Variants in DNAAF2 observed in about 807,000 individuals in gnomAD.
DNAAF2 encodes the protein dynein axonemal assembly factor 2.
A neutral mutation model predicts 48.8 loss-of-function variants in DNAAF2; 58 were observed. That is an observed-to-expected ratio of 1.19 (90% CI 0.96 to 1.48). DNAAF2 has a LOEUF of 1.48. Among genes scored for constraint, DNAAF2 ranks in the 40% most tolerant of loss-of-function variants. The pLI is 0.00. For synonymous variants in DNAAF2, 567 were observed against 481.2 expected (o/e 1.18, Z -2.33); for missense variants, 1,241 against 1,116.1 (o/e 1.11, Z -1.59).
In DNAAF2 at chr14:49,633,587, C is replaced by A. The variant is rs1485202846; in HGVS notation, c.1563G>T (p.Leu521Phe). Residue 521 changes from leucine to phenylalanine, a missense_variant, in exon 1 of 3, where the codon TTG becomes TTT. Coordinates refer to ENST00000298292, the MANE Select transcript of DNAAF2 (RefSeq NM_018139.3). ...CCTGATTACACAGTAACGGAGGACA[C>A]AAAGGCTCCCCGCTCTTGGTCCCGG... Reference protein sequence around the residue: ...GGPGTKSGEPLCPPLLCNQDK... With the variant: ...GGPGTKSGEPFCPPLLCNQDK... 5.6e-6 allele frequency: 9 copies of A among 1,613,828 alleles called. No homozygotes were observed. The Admixed American group carries it at 1.5e-4, about 27-fold the overall frequency.
Position 49,634,902 on chromosome 14 carries a change from TC to T in DNAAF2, c.247del (p.Asp83ThrfsTer8). The T allele has an allele frequency of 6.4e-7, 1 of 1,551,106 alleles. No individual in the cohort carries two copies. Among genetic ancestry groups the T allele is most frequent in the South Asian group, 1.2e-5 (1 of 84,204 alleles). On this transcript the variant is annotated frameshift_variant, in exon 1 of 3. Transcript: ENST00000298292. LOFTEE classifies it high-confidence loss of function. ...ATTCACAAAGCAGCGCCGCGCCCCG[TC>T]CAGGCTGGTGCGCAGCACATGGCCG... ...EPGHVLRTSL[D>X]GARRCFVNVC...
In DNAAF2 at chr14:49,626,224, A is replaced by T. The variant is rs1883002829; in HGVS notation, c.2008-176T>A. ...TCCTCCAGGCTGGGCACAGTGGCTC[A>T]TGCCTGTAATCCCAGCACTTTGGGA... On this transcript the variant is annotated intron_variant, in intron 2 of 2. Coordinates refer to ENST00000298292, the MANE Select transcript of DNAAF2 (RefSeq NM_018139.3). Among the ~76,000 whole-genome samples the T allele has an allele frequency of 2.6e-5, 4 of 152,170 alleles. No homozygotes were observed. In the South Asian group the frequency reaches 8.3e-4, roughly 32 times the overall value.
chr14:49,632,050 G>A (rs752335958), intron 1 of DNAAF2, among the ~76,000 whole-genome samples: 9 of 152,054 alleles, frequency 5.9e-5, no homozygotes, highest in Non-Finnish European at 1.3e-4. Context: ...TCCCATTTTC[G>A]TCGTTTATTT....
Position 49,625,611 on chromosome 14 carries a change from C to T in DNAAF2, c.2445G>A (p.Gln815=). Residue 815 remains glutamine, a synonymous_variant, in exon 3 of 3, where the codon CAG becomes CAA. Transcript: ENST00000298292. The part of the protein sequence containing the change: ...KETNMQDGSV[Q]VIKDHVTNCA... ...AATTGGTCACATGATCTTTAATGAC[C>T]TGCACACTACCATCCTGCATATTGG... 1 of 1,612,872 alleles carries T rather than the reference C, an allele frequency of 6.2e-7. No homozygotes were observed. The highest frequency in any genetic ancestry group is 8.5e-7 in the Non-Finnish European group (1 of 1,179,566).
Position 49,633,297 on chromosome 14 carries a change from T to G in DNAAF2, c.1853A>C (p.Asp618Ala). Residue 618 changes from aspartate to alanine, a missense_variant, in exon 1 of 3, where the codon GAT (aspartate) becomes GCT (alanine). By Grantham distance (126) the Asp-to-Ala change is moderately radical. Transcript: ENST00000298292. ...WREWYYGVNNDSLEERLFVNE... is the reference protein window; with the variant it reads ...WREWYYGVNNASLEERLFVNE... ...GGAAAGAACTGTTACCTCCAAAGAA[T>G]CGTTGTTTACACCATAATACCACTC... 2.5e-6 allele frequency: 4 copies of G among 1,613,126 alleles called. No individual in the cohort carries two copies. The highest frequency in any genetic ancestry group is 3.4e-6 in the Non-Finnish European group (4 of 1,179,190).
rs1477152193 is a variant in DNAAF2 at position 49,625,909 on chromosome 14, G to T, written c.2147C>A (p.Ala716Glu). Reference sequence around the variant, plus strand: ...TAAACCAAAGCTATCTATTTGTAGTGCTTTAACTGCTATAGATGAATCAGA... The same window carrying T: ...TAAACCAAAGCTATCTATTTGTAGTTCTTTAACTGCTATAGATGAATCAGA... ...TDSDSSIAVK[A>E]LQIDSFGLVT... The change falls in exon 3 of 3, where the codon GCA becomes GAA. Residue 716 changes from alanine to glutamate, a missense_variant. Ala to Glu is a moderately radical substitution (Grantham distance 107). Transcript: ENST00000298292. 1 of 1,613,506 alleles carries T rather than the reference G, an allele frequency of 6.2e-7. No individual in the cohort carries two copies. The highest frequency in any genetic ancestry group is 1.7e-5 in the Admixed American group (1 of 59,978).
At chr14:49,630,261 T>TAAA (rs1273735477) in intron 1 of DNAAF2, among the ~76,000 whole-genome samples, 4 of 94,636 alleles carry the variant, frequency 4.2e-5, no homozygotes, top group Non-Finnish European at 1.1e-4. Flanking sequence ...AAATAAATAA[T>TAAA]GAGGTAGATT....
Position 49,628,102 on chromosome 14 carries a change from C to T in DNAAF2, c.1917G>A (p.Leu639=). 6.3e-7 allele frequency: 1 copy of T among 1,592,226 alleles called. No individual in the cohort carries two copies. The highest frequency in any genetic ancestry group is 8.6e-7 in the Non-Finnish European group (1 of 1,167,846). ...ACATAGACTGTTTGAATGGAGAGCT[C>T]AGGACCTCTTCAAGAAACTCATTAA... is the stretch of plus-strand genomic sequence containing the variant. ...ENVNEFLEEV[L]SSPFKQSMSL... The change falls in exon 2 of 3, where the codon CTG becomes CTA. Residue 639 remains leucine (L), a synonymous_variant. Transcript: ENST00000298292.
intron 1 of DNAAF2, among the ~76,000 whole-genome samples, chr14:49,631,397 G>A (rs1023796217): frequency 9.2e-5 from 14 of 152,164 alleles, no homozygotes; most frequent in Admixed American, 2.0e-4. Context: ...AGGCCGAGGC[G>A]GGTGGATCAC....
intron 1 of DNAAF2, 57 bp downstream of exon 1, chr14:49,633,230 A>G (rs190805899): frequency 2.1e-5 from 34 of 1,587,232 alleles, no homozygotes; most frequent in African/African-American, 2.0e-4. Context: ...GGTAATAGCA[A>G]ATTTTTAAAG....
chr14:49,625,936 T>C lies in DNAAF2; in HGVS notation c.2120A>G (p.Asp707Gly). ...TTTAACTGCTATAGATGAATCAGAA[T>C]CAGTTGTAGGGGTGTTACAATGTTC... ...YIEHCNTPTT[D>G]SDSSIAVKAL... Residue 707 changes from aspartate (D) to glycine (G), a missense_variant, in exon 3 of 3, where the codon GAT becomes GGT. Physicochemically the swap from Asp to Gly is moderately conservative, Grantham distance 94 (BLOSUM62 -1). Transcript: ENST00000298292. The C allele has an allele frequency of 6.2e-7, 1 of 1,613,498 alleles. No individual in the cohort carries two copies.
chr14:49,627,864 A>G lies in DNAAF2; in HGVS notation c.2007+148T>C, dbSNP rs1246925185. On this transcript the variant is annotated intron_variant, in intron 2 of 2. Transcript: ENST00000298292. ...AGGGAGACTCCATCTCAAAAAAAAA[A>G]AAAAGAAAAACTTTTCTTCTCTTAA... 5.6e-5 allele frequency: 49 copies of G among 871,118 alleles called. No homozygotes were observed. The East Asian group carries it at 1.1e-3, about 19-fold the overall frequency. 54.0% of individuals were successfully genotyped at this position (871,118 alleles called of 1,614,324 possible). A position where few individuals can be genotyped will look rare whatever the true frequency, so the allele number is the denominator to read the frequency against.
In DNAAF2 at chr14:49,633,654, T is replaced by G; in HGVS notation, c.1496A>C (p.Glu499Ala). ...DSSVETREES[E>A]GTGGQRSACA... ...GGCTGAGCGCTGGCCGCCCGTGCCC[T>G]CCGACTCCTCGCGTGTTTCCACACT... is the stretch of plus-strand genomic sequence containing the variant. Residue 499 changes from glutamate to alanine, a missense_variant, in exon 1 of 3, where the codon GAG becomes GCG. By Grantham distance (107) the Glu-to-Ala change is moderately radical (BLOSUM62 -1). Transcript: ENST00000298292. The G allele has an allele frequency of 6.2e-7, 1 of 1,612,424 alleles. No individual in the cohort carries two copies. The highest frequency in any genetic ancestry group is 8.5e-7 in the Non-Finnish European group (1 of 1,178,988).
chr14:49,633,702 C>G lies in DNAAF2; in HGVS notation c.1448G>C (p.Arg483Thr). The change falls in exon 1 of 3, where the codon AGA becomes ACA. Residue 483 changes from arginine to threonine, a missense_variant. Transcript: ENST00000298292. ...ACTGCTATCTCCGCGCGCACTCTCT[C>G]TTCCCGCAGAAGAACCCCACGCCAG... ...RSLAWGSSAG[R>T]ESARGDSSVE... 6.2e-7 allele frequency: 1 copy of G among 1,602,590 alleles called. No homozygotes were observed. The highest frequency in any genetic ancestry group is 8.5e-7 in the Non-Finnish European group (1 of 1,172,888).
intron 1 of DNAAF2, among the ~76,000 whole-genome samples, chr14:49,630,738 T>TACACACACACACA (rs1187597727): frequency 1.8e-5 from 1 of 55,108 alleles, no homozygotes; most frequent in Non-Finnish European, 5.4e-5. Flanking sequence ...ACACAAACTC[T>TACACACACACACA]CTACACACAC....
chr14:49,626,049 C>T lies in DNAAF2; in HGVS notation c.2008-1G>A. 1.4e-6 allele frequency: 2 copies of T among 1,449,382 alleles called. No individual in the cohort carries two copies. Among genetic ancestry groups the T allele is most frequent in the Non-Finnish European group, 1.8e-6 (2 of 1,103,050 alleles). The allele number at this position is 1,449,382 out of a possible 1,614,324, so 89.8% of individuals were successfully genotyped here. A position where few individuals can be genotyped will look rare whatever the true frequency, so the allele number is the denominator to read the frequency against. On this transcript the variant is annotated splice_acceptor_variant, in intron 2 of 2. Coordinates refer to ENST00000298292, the MANE Select transcript of DNAAF2 (RefSeq NM_018139.3). LOFTEE classifies it high-confidence loss of function. ...GATCAGAGTTACTACATTCTTGCAA[C>T]TGTGTCAAGAGAAACAACAAATTAA...
Position 49,634,316 on chromosome 14 carries a change from G to C in DNAAF2, c.834C>G (p.Pro278=), listed in dbSNP as rs778820253. 5.1e-5 allele frequency: 82 copies of C among 1,611,690 alleles called. No individual in the cohort carries two copies. Among genetic ancestry groups the C allele is most frequent in the Non-Finnish European group, 6.4e-5 (75 of 1,179,726 alleles). The change falls in exon 1 of 3, where the codon CCC becomes CCG. Residue 278 remains proline (P), a synonymous_variant. Transcript: ENST00000298292. ...TGGTGATCACCAGCTCATGGGGCACGGGGCTCGGGGCTGAGTCCCTGGAGC... is the reference window on the plus strand; with the variant it reads ...TGGTGATCACCAGCTCATGGGGCACCGGGCTCGGGGCTGAGTCCCTGGAGC... ...YRCSRDSAPS[P]VPHELVITIE...
chr14:49,632,447 CTTTT>C (rs3029726), intron 1 of DNAAF2, among the ~76,000 whole-genome samples: 26 of 147,070 alleles, frequency 1.8e-4, no homozygotes, highest in Middle Eastern at 3.4e-3. Context: ...CTTAATTTTT[CTTTT>C]TTTTTTTTTT....
At position 49,626,154 on chromosome 14, in the gene DNAAF2, T is replaced by C. The variant is rs552750965; in HGVS notation, c.2008-106A>G. On this transcript the variant is annotated intron_variant, in intron 2 of 2. Coordinates refer to ENST00000298292, the MANE Select transcript of DNAAF2 (RefSeq NM_018139.3). ...TTTAACAGTTGTGAGGTAATAGCCC[T>C]TACAGACCTGCAGGTATACATCCAG... The C allele has an allele frequency of 5.1e-5, 46 of 897,536 alleles. No homozygotes were observed. In the African/African-American group the frequency reaches 5.5e-4, roughly 11 times the overall value. 55.6% of individuals were successfully genotyped at this position (897,536 alleles called of 1,614,324 possible). A position where few individuals can be genotyped will look rare whatever the true frequency, so the allele number is the denominator to read the frequency against.
Sources: allele counts gnomAD v4.1 joint callset (sites outside exome capture counted in the v4.1 genomes callset), GRCh38; gene constraint gnomAD v4.1.1; transcripts MANE v1.5; gene names NCBI Gene and HGNC (gene_info 2026-07-23, HGNC 2026-07-21).